The following LSAMP variants were observed in gnomAD, a reference collection of about 807,000 sequenced individuals.
The protein encoded by LSAMP is limbic system-associated membrane protein.
In LSAMP, 7 loss-of-function variants were observed where a neutral mutation model predicts 38.6. The observed-to-expected ratio is 0.18, with a 90% CI of 0.10 to 0.34. The LOEUF is 0.34. LSAMP is among the 10% of genes least tolerant of loss of function. LSAMP has a pLI of 1.00. For synonymous variants in LSAMP, 154 were observed against 166.8 expected, an observed-to-expected ratio of 0.92 and a Z score of 0.59; for missense variants, 313 against 420.0, an observed-to-expected ratio of 0.75 and a Z score of 2.23.
At chr3:115,825,453 A>C (rs1934377004) in intron 6 of LSAMP, among the ~76,000 whole-genome samples, 1 of 152,178 alleles carries the variant, frequency 6.6e-6, no homozygotes, top group Admixed American at 6.5e-5. Context: ...CTTACAACCT[A>C]TTTCTACAAC....
chr3:116,437,019 G>A (rs1018773580), intron 1 of LSAMP, among the ~76,000 whole-genome samples: 4 of 144,798 alleles, frequency 2.8e-5, no homozygotes, highest in African/African-American at 1.1e-4. Context: ...GTATATATAT[G>A]TGTGTGTATA....
At chr3:115,921,926 T>C (rs1044527954) in intron 3 of LSAMP, among the ~76,000 whole-genome samples, 10 of 152,232 alleles carry the variant, frequency 6.6e-5, no homozygotes, top group African/African-American at 2.2e-4. Flanking sequence ...CTAATAATCT[T>C]ATGATTACTC....
At chr3:116,222,137 A>G (rs1254396174) in intron 1 of LSAMP, among the ~76,000 whole-genome samples, 1 of 151,964 alleles carries the variant, frequency 6.6e-6, no homozygotes, top group African/African-American at 2.4e-5. Context: ...ATCCTCCTCC[A>G]ACACTAACAA....
In LSAMP at chr3:116,157,113, G is replaced by A. The variant is rs114281984; in HGVS notation, c.156-70557C>T. Among the ~76,000 whole-genome samples the A allele has an allele frequency of 2.5e-3, 386 of 152,084 alleles. 1 individual carries two copies. The highest frequency in any genetic ancestry group is 9.0e-3 in the African/African-American group (375 of 41,498). ...ATCACCTGGGGGAACTTCCTAACCA[G>A]GCCCAGACCCAAGTACCAGGGTGGT... On this transcript the variant is annotated intron_variant, in intron 1 of 6. Transcript: ENST00000490035.
intron 3 of LSAMP, among the ~76,000 whole-genome samples, chr3:116,000,416 C>A (rs1939956812): frequency 1.3e-5 from 2 of 152,196 alleles, no homozygotes; most frequent in African/African-American, 4.8e-5. Flanking sequence ...CCATGGCAGA[C>A]TATGTGACTA....
At chr3:116,254,578 GT>G (rs1324852690) in intron 1 of LSAMP, among the ~76,000 whole-genome samples, 1 of 152,062 alleles carries the variant, frequency 6.6e-6, no homozygotes, top group Non-Finnish European at 1.5e-5. Flanking sequence ...TATTAACACC[GT>G]TTTGTTTCAG....
At position 116,238,150 on chromosome 3, in the gene LSAMP, T is replaced by C. The variant is rs186012591; in HGVS notation, c.156-151594A>G. 3.8e-3 allele frequency among the ~76,000 whole-genome samples: 575 copies of C among 152,326 alleles called. 6 individuals carry two copies. Among genetic ancestry groups the C allele is most frequent in the African/African-American group, 0.013 (554 of 41,584 alleles). ...TTCTAAAGGAATGATGTATTTACTA[T>C]GAACACCTGAGTAATCAATCCTCAT... On this transcript the variant is annotated intron_variant, in intron 1 of 6. Coordinates refer to ENST00000490035, the MANE Select transcript of LSAMP (RefSeq NM_002338.5).
intron 1 of LSAMP, among the ~76,000 whole-genome samples, chr3:116,217,428 T>A (rs1432278791): frequency 6.6e-6 from 1 of 152,252 alleles, no homozygotes; most frequent in East Asian, 1.9e-4. Context: ...TATTTAATTA[T>A]CTGAGATCCA....
intron 3 of LSAMP, among the ~76,000 whole-genome samples, chr3:115,879,166 A>C (rs1294883604): frequency 6.6e-6 from 1 of 152,134 alleles, no homozygotes; most frequent in African/African-American, 2.4e-5. Context: ...AAGAAGTACA[A>C]ATCCAGCCAA....
intron 6 of LSAMP, among the ~76,000 whole-genome samples, chr3:115,830,303 C>T (rs1011748312): frequency 3.3e-5 from 5 of 152,126 alleles, no homozygotes; most frequent in East Asian, 1.9e-4. Flanking sequence ...AATGTACAGA[C>T]GTTAAAGTAA....
chr3:116,339,282 A>ATTT (rs35664180), intron 1 of LSAMP, among the ~76,000 whole-genome samples: 4 of 144,660 alleles, frequency 2.8e-5, no homozygotes, highest in African/African-American at 1.0e-4. Flanking sequence ...CCTTATATAG[A>ATTT]TTTTTTTTTT....
chr3:116,162,692 C>CTA (rs1440751091), intron 1 of LSAMP, among the ~76,000 whole-genome samples: 9 of 123,182 alleles, frequency 7.3e-5, no homozygotes, highest in African/African-American at 1.2e-4. Flanking sequence ...CTCTCTCTCT[C>CTA]TCTATATATA....
At chr3:116,048,852 T>C (rs1386756360) in intron 2 of LSAMP, among the ~76,000 whole-genome samples, 1 of 152,170 alleles carries the variant, frequency 6.6e-6, no homozygotes, top group Non-Finnish European at 1.5e-5. Context: ...CTCCTTGCAC[T>C]ATGTAGTACT....
At chr3:116,296,642 C>T (rs1485742199) in intron 1 of LSAMP, among the ~76,000 whole-genome samples, 1 of 138,808 alleles carries the variant, frequency 7.2e-6, no homozygotes, top group Non-Finnish European at 1.5e-5. Context: ...TTGCAGTGAG[C>T]CCAGATTGCG....
chr3:116,148,104 C>T (rs1709528751), intron 1 of LSAMP, among the ~76,000 whole-genome samples: 1 of 148,584 alleles, frequency 6.7e-6, no homozygotes, highest in Non-Finnish European at 1.5e-5. Context: ...GCTTGTTCTA[C>T]AAAAACATGT....
intron 1 of LSAMP, among the ~76,000 whole-genome samples, chr3:116,101,614 T>A (rs895582228): frequency 5.9e-5 from 9 of 152,274 alleles, no homozygotes; most frequent in Non-Finnish European, 1.0e-4. Flanking sequence ...ACTCTAGTCA[T>A]CCTATCTTGG....
rs534753904 is a variant in LSAMP at position 116,222,673 on chromosome 3, A to T, written c.156-136117T>A. On this transcript the variant is annotated intron_variant, in intron 1 of 6. Coordinates refer to ENST00000490035, the MANE Select transcript of LSAMP (RefSeq NM_002338.5). ...AGTGGGCTCTCTGAAGGAAATCAAC[A>T]TCTTCTTTGAGTCTGCTGCTCTTTT... Among the ~76,000 whole-genome samples the T allele has an allele frequency of 2.0e-3, 285 of 139,306 alleles. 1 individual carries two copies. The highest frequency in any genetic ancestry group is 0.012 in the Middle Eastern group (3 of 244). The allele number at this position is 139,306 out of a possible 152,430, so 91.4% of individuals were successfully genotyped here. A position where few individuals can be genotyped will look rare whatever the true frequency, so the allele number is the denominator to read the frequency against.
chr3:116,410,767 G>T (rs981844089), intron 1 of LSAMP, among the ~76,000 whole-genome samples: 1 of 151,980 alleles, frequency 6.6e-6, no homozygotes, highest in African/African-American at 2.4e-5. Context: ...TCAGTAACTC[G>T]CCAGGAGAGA....
At chr3:115,862,571 A>G (rs1471815709) in intron 3 of LSAMP, among the ~76,000 whole-genome samples, 8 of 152,208 alleles carry the variant, frequency 5.3e-5, no homozygotes, top group Admixed American at 4.6e-4. Context: ...AAGTCAATAC[A>G]TAAGTAATGA....
Sources: allele counts gnomAD v4.1 joint callset (sites outside exome capture counted in the v4.1 genomes callset), GRCh38; gene constraint gnomAD v4.1.1; transcripts MANE v1.5; gene names NCBI Gene and HGNC (gene_info 2026-07-23, HGNC 2026-07-21).